Variants in PIGB observed in about 807,000 individuals in gnomAD.
The protein encoded by PIGB is phosphatidylinositol glycan anchor biosynthesis class B.
A neutral mutation model predicts 68.4 loss-of-function variants in PIGB; 58 were observed. The observed-to-expected ratio is 0.85, with a 90% confidence interval of 0.69 to 1.06. The LOEUF (loss-of-function observed/expected upper bound fraction) is 1.06, where lower values mean the gene tolerates loss of function less well. Ranked by LOEUF, PIGB falls within the 50% of genes least tolerant of loss-of-function variation. The pLI, the probability that PIGB is intolerant of heterozygous loss-of-function variation, is 0.00. For missense variants in PIGB, 634 were observed against 655.8 expected, an observed-to-expected ratio of 0.97 and a Z score of 0.36; for synonymous variants, 219 against 220.5, an observed-to-expected ratio of 0.99 and a Z score of 0.06.
intron 9 of PIGB, among the ~76,000 whole-genome samples, chr15:55,343,857 G>A (rs1289578786): frequency 6.6e-6 from 1 of 152,116 alleles, no homozygotes; most frequent in African/African-American, 2.4e-5. Flanking sequence ...TAGGAGATTT[G>A]TACTTCCACT....
At chr15:55,348,693 G>A (rs2055858730) in intron 9 of PIGB, among the ~76,000 whole-genome samples, 1 of 152,220 alleles carries the variant, frequency 6.6e-6, no homozygotes, top group African/African-American at 2.4e-5. Context: ...GAAGCAGCCT[G>A]AAGCCCTCAC....
intron 5 of PIGB, among the ~76,000 whole-genome samples, chr15:55,333,425 G>T (rs1172940907): frequency 6.6e-6 from 1 of 151,190 alleles, no homozygotes; most frequent in African/African-American, 2.4e-5. Flanking sequence ...GTAAAACCCT[G>T]TCTCCCACTA....
At chr15:55,342,440 G>T (rs1347302305) in intron 9 of PIGB, among the ~76,000 whole-genome samples, 1 of 152,106 alleles carries the variant, frequency 6.6e-6, no homozygotes, top group Non-Finnish European at 1.5e-5. Context: ...GCCCAGGCTG[G>T]AGTGCAGTGG....
intron 9 of PIGB, among the ~76,000 whole-genome samples, chr15:55,348,016 A>C (rs2055838922): frequency 7.9e-6 from 1 of 126,208 alleles, no homozygotes; most frequent in African/African-American, 3.0e-5. Context: ...TTGAGACGAC[A>C]TCTCGCTCTG....
chr15:55,341,629 AAAAT>A (rs1441987735), intron 8 of PIGB, 105 bp from the exon 9 acceptor site: 7 of 374,664 alleles, frequency 1.9e-5, no homozygotes, highest in East Asian at 5.5e-5. Context: ...GAATACTTAG[AAAAT>A]AAATAGATCA....
intron 5 of PIGB, among the ~76,000 whole-genome samples, chr15:55,332,726 T>G (rs1420495268): frequency 6.6e-6 from 1 of 152,210 alleles, no homozygotes; most frequent in Admixed American, 6.6e-5. Context: ...AATGGTAATA[T>G]AGGTTGTCTT....
chr15:55,326,360 C>T (rs1195485832), intron 3 of PIGB, among the ~76,000 whole-genome samples: 4 of 152,126 alleles, frequency 2.6e-5, no homozygotes, highest in Non-Finnish European at 4.4e-5. Flanking sequence ...TTTATAATGC[C>T]GGCTTTCATA....
chr15:55,338,913 C>T (rs578157695), intron 6 of PIGB, among the ~76,000 whole-genome samples: 8 of 152,276 alleles, frequency 5.3e-5, no homozygotes, highest in Non-Finnish European at 7.3e-5. Context: ...TGAGCGACCT[C>T]GAGCCAGAGG....
chr15:55,322,428 T>C (rs1389895246), intron 3 of PIGB, among the ~76,000 whole-genome samples: 2 of 152,074 alleles, frequency 1.3e-5, no homozygotes, highest in African/African-American at 4.8e-5. Flanking sequence ...ATTGCTGGGG[T>C]CAGTTGCCAG....
chr15:55,350,666 G>A (rs1286536482), intron 9 of PIGB, 33 bp from the exon 10 acceptor site: 3 of 1,339,592 alleles, frequency 2.2e-6, no homozygotes, highest in Admixed American at 3.6e-5. Flanking sequence ...AAGATTGTCA[G>A]TGTTAAGGTT....
In PIGB at chr15:55,327,554, A is replaced by G. The variant is rs777605703; in HGVS notation, c.441A>G (p.Gln147=). ...AGATTTGGATTCCTAGACTTGCCCA[A>G]GCACTTCTGTCTGCTGTAGCAGATG... ...QLLIWIPRLA[Q]ALLSAVADVR... Residue 147 remains glutamine (Q), a synonymous_variant, in exon 4 of 12, where the codon CAA becomes CAG. Coordinates refer to ENST00000164305, the MANE Select transcript of PIGB (RefSeq NM_004855.5). 4 of 1,610,374 alleles carry G rather than the reference A, an allele frequency of 2.5e-6. No homozygotes were observed. The highest frequency in any genetic ancestry group is 3.4e-6 in the Non-Finnish European group (4 of 1,178,368).
intron 6 of PIGB, among the ~76,000 whole-genome samples, chr15:55,335,850 A>G (rs548198853): frequency 6.6e-6 from 1 of 152,322 alleles, no homozygotes; most frequent in East Asian, 1.9e-4. Context: ...TAATGAGGTC[A>G]GAGAGATAGC....
At position 55,327,533 on chromosome 15, in the gene PIGB, T is replaced by C. The variant is rs968009000; in HGVS notation, c.420T>C (p.Ile140=). The change falls in exon 4 of 12, where the codon ATT becomes ATC. Residue 140 remains isoleucine, a splice_region_variant and synonymous_variant. Transcript: ENST00000164305. ...LLGKDSVQLL[I]WIPRLAQALL... is the part of the protein sequence containing the mutation. ...GTTCTTCTTTTTAACTGATGAAGAT[T>C]TGGATTCCTAGACTTGCCCAAGCAC... The C allele has an allele frequency of 8.8e-6, 14 of 1,595,594 alleles. No individual in the cohort carries two copies. Among genetic ancestry groups the C allele is most frequent in the Non-Finnish European group, 1.2e-5 (14 of 1,168,318 alleles).
intron 3 of PIGB, chr15:55,324,685 C>T (rs2055240365): frequency 1.2e-5 from 3 of 254,440 alleles, no homozygotes; most frequent in African/African-American, 2.3e-5. Context: ...TTTCTCAGAG[C>T]ACAGGAATTC....
chr15:55,354,898 C>A lies in PIGB; in HGVS notation c.1438C>A (p.Pro480Thr), dbSNP rs555126719. ...TGAAGCAGATGTATTTTACCTAAAT[C>A]CCTTAAACTGGTTACATAGAGAGTT... ...LDEADVFYLN[P>T]LNWLHREFHD... is the part of the protein sequence containing the mutation. The change falls in exon 11 of 12, where the codon CCC becomes ACC. Residue 480 changes from proline to threonine, a missense_variant. Coordinates refer to ENST00000164305, the MANE Select transcript of PIGB (RefSeq NM_004855.5). 17 of 1,613,380 alleles carry A rather than the reference C, an allele frequency of 1.1e-5. No homozygotes were observed. In the African/African-American group the frequency reaches 2.1e-4, roughly 20 times the overall value.
At chr15:55,325,238 A>G (rs1023623289) in intron 3 of PIGB, among the ~76,000 whole-genome samples, 1 of 152,118 alleles carries the variant, frequency 6.6e-6, no homozygotes, top group Non-Finnish European at 1.5e-5. Context: ...AGGCAGGAGA[A>G]TCGCTTGAAC....
intron 6 of PIGB, among the ~76,000 whole-genome samples, chr15:55,335,419 A>C (rs1053569901): frequency 1.3e-5 from 2 of 152,210 alleles, no homozygotes; most frequent in Non-Finnish European, 2.9e-5. Flanking sequence ...TAATCCTACT[A>C]TGTGCCAGGC....
chr15:55,344,890 C>CTTTTTTTT (rs1164109873), intron 9 of PIGB, among the ~76,000 whole-genome samples: 18 of 98,904 alleles, frequency 1.8e-4, no homozygotes, highest in African/African-American at 3.4e-4. Flanking sequence ...ATATTCTTAT[C>CTTTTTTTT]TTTTTTTTTT....
intron 6 of PIGB, among the ~76,000 whole-genome samples, chr15:55,335,105 T>C (rs140440168): frequency 2.1e-4 from 32 of 152,352 alleles, no homozygotes; most frequent in African/African-American, 7.5e-4. Context: ...TGTATAGGTT[T>C]GTAGCCTAGG....
Sources: allele counts gnomAD v4.1 joint callset (sites outside exome capture counted in the v4.1 genomes callset), GRCh38; gene constraint gnomAD v4.1.1; transcripts MANE v1.5; gene names NCBI Gene and HGNC (gene_info 2026-07-23, HGNC 2026-07-21).